CLVS1: variants seen among roughly 807,000 people sequenced by gnomAD.
CLVS1 encodes the protein clavesin 1, also known as clavesin-1.
A neutral mutation model predicts 33.1 loss-of-function variants in CLVS1; 10 were observed. The ratio of observed to expected loss-of-function variants is 0.30; its 90% CI spans 0.19 to 0.51. The LOEUF (loss-of-function observed/expected upper bound fraction) is 0.51. Ranked by LOEUF, CLVS1 falls within the 20% of genes least tolerant of loss-of-function variation. The pLI is 0.97. For synonymous variants in CLVS1, 163 were observed against 166.1 expected, an observed-to-expected ratio of 0.98 and a Z score of 0.14; for missense variants, 343 against 433.4, an observed-to-expected ratio of 0.79 and a Z score of 1.85.
chr8:61,287,765 G>A (rs747486829), upstream of CLVS1, among the ~76,000 whole-genome samples: 4 of 152,000 alleles, frequency 2.6e-5, no homozygotes, highest in African/African-American at 9.7e-5. Flanking sequence ...CTGCTTTTGC[G>A]CTTTCATTAA....
At chr8:61,157,590 A>G (rs13263981) in intron 2 of CLVS1, among the ~76,000 whole-genome samples, 60,649 of 151,908 alleles carry the variant, frequency 0.4, 15,191 homozygotes, top group Middle Eastern at 0.65. Context: ...GTGCATTAAT[A>G]AAAAGCATCA....
chr8:61,091,912 A>G (rs1360274843), intron 1 of CLVS1, among the ~76,000 whole-genome samples: 1 of 152,224 alleles, frequency 6.6e-6, no homozygotes, highest in Non-Finnish European at 1.5e-5. Flanking sequence ...CTGGTTATTC[A>G]GGACAAGTTT....
At chr8:61,200,412 C>T (rs1055173776) in intron 2 of CLVS1, among the ~76,000 whole-genome samples, 3 of 152,266 alleles carry the variant, frequency 2.0e-5, no homozygotes, top group East Asian at 1.9e-4. Flanking sequence ...TGGGCCACCA[C>T]GGCCAGCCTA....
intron 2 of CLVS1, among the ~76,000 whole-genome samples, chr8:61,358,888 A>G (rs192595751): frequency 8.2e-4 from 124 of 152,116 alleles, no homozygotes; most frequent in Non-Finnish European, 1.5e-3. Context: ...TTAAATGTAT[A>G]TTTTTTCTGT....
At chr8:61,078,283 C>G (rs567745488) in intron 1 of CLVS1, among the ~76,000 whole-genome samples, 7 of 152,302 alleles carry the variant, frequency 4.6e-5, no homozygotes, top group South Asian at 4.1e-4. Flanking sequence ...GAATTGCCCG[C>G]TTGTGTGATG....
chr8:61,243,535 A>T (rs1217467027), intron 2 of CLVS1, among the ~76,000 whole-genome samples: 2 of 152,148 alleles, frequency 1.3e-5, no homozygotes, highest in African/African-American at 4.8e-5. Flanking sequence ...CGTGACTGTG[A>T]CTGCCCTCAC....
chr8:61,293,006 C>T (rs1261290560), intron 1 of CLVS1, among the ~76,000 whole-genome samples: 1 of 152,168 alleles, frequency 6.6e-6, no homozygotes, highest in Non-Finnish European at 1.5e-5. Flanking sequence ...TCTGATGGAG[C>T]TCATTCCAAT....
chr8:61,146,315 T>G (rs560847101), intron 2 of CLVS1, among the ~76,000 whole-genome samples: 153 of 152,354 alleles, frequency 1.0e-3, no homozygotes, highest in African/African-American at 3.5e-3. Flanking sequence ...TATTCCAAGT[T>G]TAACCCCTAT....
intron 5 of CLVS1, among the ~76,000 whole-genome samples, chr8:61,483,236 G>T (rs1301534742): frequency 2.0e-5 from 3 of 151,848 alleles, no homozygotes; most frequent in African/African-American, 2.4e-5. Context: ...TCAAATAGAT[G>T]CAATAAAAAA....
intron 3 of CLVS1, among the ~76,000 whole-genome samples, chr8:61,449,560 T>C (rs145881239): frequency 1.3e-5 from 2 of 152,352 alleles, no homozygotes; most frequent in African/African-American, 4.8e-5. Flanking sequence ...AGTTTTTTCC[T>C]GTGATGTTTG....
chr8:61,303,996 C>T (rs182643701), intron 2 of CLVS1, among the ~76,000 whole-genome samples: 80 of 152,310 alleles, frequency 5.3e-4, no homozygotes, highest in Middle Eastern at 3.4e-3. Context: ...ATGTGAACTA[C>T]GGCATGCCCA....
intron 3 of CLVS1, among the ~76,000 whole-genome samples, chr8:61,426,968 A>G (rs980246273): frequency 1.3e-5 from 2 of 152,196 alleles, no homozygotes; most frequent in Non-Finnish European, 2.9e-5. Context: ...CATACATTTG[A>G]AACAATGAGA....
chr8:61,158,552 A>C (rs1226962540), intron 2 of CLVS1, among the ~76,000 whole-genome samples: 1 of 152,178 alleles, frequency 6.6e-6, no homozygotes, highest in Non-Finnish European at 1.5e-5. Context: ...TGGTCCCAGC[A>C]GAAGATAGAG....
chr8:61,262,183 TA>T (rs1809219879), intron 2 of CLVS1, among the ~76,000 whole-genome samples: 1 of 152,128 alleles, frequency 6.6e-6, no homozygotes, highest in South Asian at 2.1e-4. Flanking sequence ...CCTGGCTAAT[TA>T]AAAAACAATT....
chr8:61,434,830 T>C (rs1227142374), intron 3 of CLVS1, among the ~76,000 whole-genome samples: 1 of 152,118 alleles, frequency 6.6e-6, no homozygotes. Context: ...TCTCAGTTGA[T>C]TATCTCCCGG....
At chr8:60,995,222 G>A in the CLVS1 span, among the ~76,000 whole-genome samples, 1 of 152,002 alleles carries the variant, frequency 6.6e-6, no homozygotes, top group African/African-American at 2.4e-5. Context: ...GAGTGAACAG[G>A]CAACCTACAA....
At chr8:61,421,885 A>G (rs1395776316) in intron 3 of CLVS1, among the ~76,000 whole-genome samples, 1 of 152,230 alleles carries the variant, frequency 6.6e-6, no homozygotes, top group Non-Finnish European at 1.5e-5. Flanking sequence ...GGAAAGATCC[A>G]GCTAAAGCAG....
At chr8:61,177,561 C>G (rs1468902305) in intron 2 of CLVS1, among the ~76,000 whole-genome samples, 1 of 152,092 alleles carries the variant, frequency 6.6e-6, no homozygotes, top group Non-Finnish European at 1.5e-5. Flanking sequence ...GTCAGACACC[C>G]TATACAGGAG....
intron 2 of CLVS1, among the ~76,000 whole-genome samples, chr8:61,248,428 TG>T (rs1455123530): frequency 2.0e-5 from 3 of 152,170 alleles, no homozygotes; most frequent in Admixed American, 2.0e-4. Context: ...GAGCCTGGGA[TG>T]CTTTTCCATT....
Sources: allele counts gnomAD v4.1 joint callset (sites outside exome capture counted in the v4.1 genomes callset), GRCh38; gene constraint gnomAD v4.1.1; transcripts MANE v1.5; gene names NCBI Gene and HGNC (gene_info 2026-07-23, HGNC 2026-07-21).